SLC25A21: variants seen among roughly 807,000 people sequenced by gnomAD.
SLC25A21 encodes solute carrier family 25 member 21.
In SLC25A21, 47 loss-of-function variants were observed where a neutral mutation model predicts 43.8. The observed-to-expected ratio is 1.07, with a 90% CI of 0.85 to 1.37. SLC25A21 has a LOEUF of 1.37. Among genes scored for constraint, SLC25A21 ranks in the 40% most tolerant of loss-of-function variants. The pLI, the probability that SLC25A21 is intolerant of heterozygous loss-of-function variation, is 0.00. For synonymous variants in SLC25A21, 131 were observed against 121.3 expected, an observed-to-expected ratio of 1.08 and a Z score of -0.52; for missense variants, 352 against 350.2, an observed-to-expected ratio of 1.00 and a Z score of -0.04.
rs545456551 is a variant in SLC25A21, at chr14:36,962,914, G to A, written c.71-87910C>T. Among the ~76,000 whole-genome samples, 12 of 152,230 alleles carry A rather than the reference G, an allele frequency of 7.9e-5. No individual in the cohort carries two copies. In the East Asian group the frequency reaches 2.3e-3, roughly 29 times the overall value. The stretch of plus-strand genomic sequence containing the variant: ...ACTTCTTTCCTTTACTCTAGAATTT[G>A]AGGTAGAGATAGTAGGTATGTTGTT... On this transcript the variant is annotated intron_variant, in intron 1 of 9. Coordinates refer to ENST00000331299, the MANE Select transcript of SLC25A21 (RefSeq NM_030631.4).
chr14:36,873,449 C>T (rs976505745), intron 2 of SLC25A21, among the ~76,000 whole-genome samples: 1 of 152,036 alleles, frequency 6.6e-6, no homozygotes, highest in Non-Finnish European at 1.5e-5. Context: ...GGGTGTGCCA[C>T]CATGCCCGGT....
chr14:36,758,018 C>T (rs1019600845), intron 3 of SLC25A21, among the ~76,000 whole-genome samples: 7 of 152,202 alleles, frequency 4.6e-5, no homozygotes, highest in South Asian at 2.1e-4. Flanking sequence ...GGAGCCTTTG[C>T]GTTTTCCTTT....
chr14:36,870,070 G>C (rs560195125), intron 2 of SLC25A21, among the ~76,000 whole-genome samples: 81 of 152,264 alleles, frequency 5.3e-4, no homozygotes, highest in African/African-American at 1.9e-3. Flanking sequence ...TAATCCTTGA[G>C]CACTACTTGG....
intron 7 of SLC25A21, among the ~76,000 whole-genome samples, chr14:36,699,739 G>A (rs926924856): frequency 6.6e-5 from 10 of 152,304 alleles, no homozygotes; most frequent in East Asian, 3.9e-4. Context: ...CTTTGTGGGC[G>A]TGGGACCCAC....
intron 1 of SLC25A21, among the ~76,000 whole-genome samples, chr14:37,089,438 C>T (rs578071817): frequency 6.6e-6 from 1 of 152,160 alleles, no homozygotes; most frequent in African/African-American, 2.4e-5. Flanking sequence ...TATAGGAGAA[C>T]TCTTGAGAAA....
chr14:36,684,837 G>T lies in SLC25A21; in HGVS notation c.692C>A (p.Ala231Asp), dbSNP rs771605649. The change falls in exon 8 of 10, where the codon GCC becomes GAC. Residue 231 changes from alanine to aspartate, a missense_variant. Physicochemically the swap from Ala to Asp is moderately radical, Grantham distance 126 (BLOSUM62 -2). Coordinates refer to ENST00000331299, the MANE Select transcript of SLC25A21 (RefSeq NM_030631.4). ...ASVINIPFDV[A>D]KSRIQGPQPV... Reference sequence around the variant, plus strand: ...TTGAGGCCCTTGAATCCTACTTTTGGCAACATCAAAAGGGATGTTAATGAC... The same window carrying T: ...TTGAGGCCCTTGAATCCTACTTTTGTCAACATCAAAAGGGATGTTAATGAC... 1 of 1,613,714 alleles carries T rather than the reference G, an allele frequency of 6.2e-7. No homozygotes were observed. The highest frequency in any genetic ancestry group is 1.1e-5 in the South Asian group (1 of 91,030).
At chr14:37,097,699 A>G (rs1962727218) in intron 1 of SLC25A21, among the ~76,000 whole-genome samples, 1 of 152,062 alleles carries the variant, frequency 6.6e-6, no homozygotes, top group Admixed American at 6.5e-5. Flanking sequence ...CCTGGCCAAC[A>G]TGGTGAAACC....
chr14:36,877,826 T>A (rs2138561355), intron 1 of SLC25A21, among the ~76,000 whole-genome samples: 1 of 152,248 alleles, frequency 6.6e-6, no homozygotes, highest in East Asian at 1.9e-4. Flanking sequence ...GCTGGAAGTG[T>A]GCAGGTGAGG....
intron 1 of SLC25A21, among the ~76,000 whole-genome samples, chr14:37,050,523 C>T (rs1961681188): frequency 6.6e-6 from 1 of 152,200 alleles, no homozygotes; most frequent in Admixed American, 6.5e-5. Context: ...ACCTTGGATT[C>T]TTCCAACTCA....
At position 36,856,306 on chromosome 14, in the gene SLC25A21, C is replaced by T. The variant is rs188415104; in HGVS notation, c.119+18650G>A. ...CGGGCTTTGTTTGCTCTCCCTCTCT[C>T]GAGCTTGTCTTTCTGTATATTGTTT... On this transcript the variant is annotated intron_variant, in intron 2 of 9. Coordinates refer to ENST00000331299, the MANE Select transcript of SLC25A21 (RefSeq NM_030631.4). Among the ~76,000 whole-genome samples the T allele has an allele frequency of 3.7e-4, 56 of 152,278 alleles. 1 individual carries two copies. Among genetic ancestry groups the T allele is most frequent in the African/African-American group, 1.3e-3 (53 of 41,562 alleles).
chr14:36,738,782 A>G (rs963556084), intron 3 of SLC25A21, among the ~76,000 whole-genome samples: 7 of 152,246 alleles, frequency 4.6e-5, no homozygotes, highest in Non-Finnish European at 7.3e-5. Flanking sequence ...CCTATGTAAA[A>G]AAGTATTAGC....
intron 1 of SLC25A21, among the ~76,000 whole-genome samples, chr14:36,903,238 C>G (rs992509395): frequency 2.6e-5 from 4 of 152,128 alleles, no homozygotes; most frequent in African/African-American, 9.7e-5. Flanking sequence ...AAAATCTTCT[C>G]TTTCTTTCAA....
chr14:37,055,747 A>G (rs1197525719), intron 1 of SLC25A21, among the ~76,000 whole-genome samples: 2 of 152,112 alleles, frequency 1.3e-5, no homozygotes, highest in African/African-American at 4.8e-5. Flanking sequence ...ACAGATTCCT[A>G]TTTTACTCTG....
intron 3 of SLC25A21, among the ~76,000 whole-genome samples, chr14:36,741,280 A>T (rs1885251160): frequency 1.3e-5 from 2 of 152,220 alleles, no homozygotes; most frequent in South Asian, 4.1e-4. Context: ...GAGCAAGAAC[A>T]TGGAATATTT....
intron 7 of SLC25A21, among the ~76,000 whole-genome samples, chr14:36,690,101 C>T (rs1240961714): frequency 6.6e-6 from 1 of 152,274 alleles, no homozygotes; most frequent in South Asian, 2.1e-4. Flanking sequence ...TGAGTGATAC[C>T]TATCTCATAG....
chr14:36,910,852 C>A (rs543000449), intron 1 of SLC25A21, among the ~76,000 whole-genome samples: 1 of 152,248 alleles, frequency 6.6e-6, no homozygotes. Flanking sequence ...TACATTAATT[C>A]TCTAAATCAA....
intron 2 of SLC25A21, among the ~76,000 whole-genome samples, chr14:36,862,824 G>A (rs1002253564): frequency 2.0e-5 from 3 of 152,100 alleles, no homozygotes; most frequent in Admixed American, 1.3e-4. Context: ...TATCCCGTTT[G>A]TTTTTAATTC....
chr14:36,979,557 T>C (rs1045328316), intron 1 of SLC25A21, among the ~76,000 whole-genome samples: 16 of 152,156 alleles, frequency 1.1e-4, no homozygotes, highest in Admixed American at 6.5e-5. Flanking sequence ...GGTTTTGCCA[T>C]ATTGGCCAGG....
intron 7 of SLC25A21, among the ~76,000 whole-genome samples, chr14:36,699,254 C>T (rs1280062691): frequency 6.6e-6 from 1 of 152,062 alleles, no homozygotes; most frequent in Non-Finnish European, 1.5e-5. Flanking sequence ...GTATCACCAG[C>T]GGAGGCTGAA....
Sources: allele counts gnomAD v4.1 joint callset (sites outside exome capture counted in the v4.1 genomes callset), GRCh38; gene constraint gnomAD v4.1.1; transcripts MANE v1.5; gene names NCBI Gene and HGNC (gene_info 2026-07-23, HGNC 2026-07-21).